Variants in GARNL3 observed in about 807,000 individuals in gnomAD.
The protein encoded by GARNL3 is GTPase activating Rap/RanGAP domain like 3.
In GARNL3, 63 loss-of-function variants were observed where a neutral mutation model predicts 125.0. The ratio of observed to expected loss-of-function variants is 0.50; its 90% CI spans 0.41 to 0.62. The LOEUF (loss-of-function observed/expected upper bound fraction) is 0.62. Ranked by LOEUF, GARNL3 falls within the 20% of genes least tolerant of loss-of-function variation. GARNL3 has a pLI of 0.00. For missense variants in GARNL3, 994 were observed against 1,244.0 expected (o/e 0.80, Z 3.02); for synonymous variants, 439 against 457.5 (o/e 0.96, Z 0.52).
chr9:127,353,748 A>C, intron 17 of GARNL3, 98 bp from the exon 18 acceptor site: 1 of 797,086 alleles, frequency 1.3e-6, no homozygotes, highest in Non-Finnish European at 2.3e-6. Context: ...CCTTGCCTAG[A>C]GATAACTTGG....
chr9:127,309,634 G>A (rs1327494126), intron 2 of GARNL3, among the ~76,000 whole-genome samples: 3 of 152,144 alleles, frequency 2.0e-5, no homozygotes, highest in East Asian at 3.8e-4. Context: ...TTCCAGAAAT[G>A]TAAGAACCTT....
At position 127,392,161 on chromosome 9, in the gene GARNL3, GC is replaced by G. The variant is rs754925184; in HGVS notation, c.2871-921del. Among the ~76,000 whole-genome samples the G allele has an allele frequency of 1.3e-5, 2 of 152,230 alleles. No individual in the cohort carries two copies. Among genetic ancestry groups the G allele is most frequent in the Non-Finnish European group, 2.9e-5 (2 of 68,036 alleles). On this transcript the variant is annotated intron_variant, in intron 27 of 27. Coordinates refer to ENST00000373387, the MANE Select transcript of GARNL3 (RefSeq NM_032293.5). The surrounding 1 kb of genome is among the most constrained non-coding windows in gnomAD (Gnocchi z 5.2). ...GGGAGGGTCTCAAACATCAGGGGAG[GC>G]TGAGCCTCCTCTCAGAAGTCATAAC...
intron 4 of GARNL3, 65 bp from the exon 5 acceptor site, chr9:127,317,998 G>T (rs142406987): frequency 1.1e-6 from 1 of 944,902 alleles, no homozygotes; most frequent in Non-Finnish European, 1.8e-6. Flanking sequence ...TGAATGACCC[G>T]AGAGGCTCTT....
intron 1 of GARNL3, among the ~76,000 whole-genome samples, chr9:127,287,999 A>G (rs1305918752): frequency 6.6e-6 from 1 of 152,194 alleles, no homozygotes; most frequent in Non-Finnish European, 1.5e-5. Flanking sequence ...TTTCTTGTTT[A>G]TGAATATTTA....
intron 6 of GARNL3, among the ~76,000 whole-genome samples, chr9:127,322,752 G>C (rs1464270961): frequency 2.0e-5 from 3 of 152,160 alleles, no homozygotes; most frequent in Non-Finnish European, 2.9e-5. Context: ...TAAACCAACT[G>C]TGTTATAAAG....
At position 127,364,666 on chromosome 9, in the gene GARNL3, T is replaced by G. The variant is rs1323068567; in HGVS notation, c.2095-634T>G. On this transcript the variant is annotated intron_variant, in intron 21 of 27. Coordinates refer to ENST00000373387, the MANE Select transcript of GARNL3 (RefSeq NM_032293.5). This position sits in a 1 kb window ranked among gnomAD's most constrained non-coding sequence, Gnocchi z 4.2. ...TGACACCCTTTTCATTGCACCATGC[T>G]GCCTCTCTTGACATGAAGAACAGAG... The G allele has an allele frequency of 1.3e-5, 2 of 152,334 alleles. No individual in the cohort carries two copies. The highest frequency in any genetic ancestry group is 2.9e-5 in the Non-Finnish European group (2 of 68,142). 9.4% of individuals were successfully genotyped at this position (152,334 alleles called of 1,614,324 possible). A position where few individuals can be genotyped will look rare whatever the true frequency, so the allele number is the denominator to read the frequency against.
chr9:127,316,639 A>G (rs1048082369), intron 4 of GARNL3, among the ~76,000 whole-genome samples: 2 of 152,244 alleles, frequency 1.3e-5, no homozygotes, highest in African/African-American at 4.8e-5. Flanking sequence ...AGCACAAACT[A>G]CAAAAAGAAA....
Position 127,311,734 on chromosome 9 carries a change from AGGTAATTATGCTATTGT to A in GARNL3, c.319+3_319+19del. 1 of 1,590,278 alleles carries A rather than the reference AGGTAATTATGCTATTGT, an allele frequency of 6.3e-7. No individual in the cohort carries two copies. Among genetic ancestry groups the A allele is most frequent in the Non-Finnish European group, 8.6e-7 (1 of 1,158,258 alleles). On this transcript the variant is annotated splice_donor_variant and splice_donor_5th_base_variant and coding_sequence_variant and intron_variant, in exon 3 of 28. Transcript: ENST00000373387. LOFTEE classifies it high-confidence loss of function. The stretch of plus-strand genomic sequence containing the variant: ...GGTATTTCAAATATTTTTTAGGACA[AGGTAATTATGCTATTGT>A]GGTGGTAGGGAAGAAAGGGTATTCA...
intron 2 of GARNL3, among the ~76,000 whole-genome samples, chr9:127,246,634 C>T (rs541849013): frequency 1.3e-5 from 2 of 152,166 alleles, no homozygotes; most frequent in South Asian, 2.1e-4. Context: ...GGTGAAACCC[C>T]GTCTCTACTA....
chr9:127,355,949 C>G (rs1356039967), intron 20 of GARNL3, among the ~76,000 whole-genome samples: 1 of 152,080 alleles, frequency 6.6e-6, no homozygotes, highest in Non-Finnish European at 1.5e-5. Context: ...ATGAGGGTAT[C>G]TAGGGAAAGG....
At chr9:127,304,685 G>A (rs938951232) in intron 2 of GARNL3, among the ~76,000 whole-genome samples, 89 of 151,826 alleles carry the variant, frequency 5.9e-4, no homozygotes, top group African/African-American at 2.1e-3. Flanking sequence ...ACAGGCATGC[G>A]CCACCACACC....
intron 17 of GARNL3, 128 bp downstream of exon 17, chr9:127,349,163 A>T: frequency 1.4e-6 from 1 of 691,502 alleles, no homozygotes; most frequent in South Asian, 1.6e-5. Flanking sequence ...GCGAAGTTTT[A>T]TTTCCTTATG....
At chr9:127,226,814 G>A (rs755490760) in intron 1 of GARNL3, among the ~76,000 whole-genome samples, 70 of 152,336 alleles carry the variant, frequency 4.6e-4, no homozygotes, top group Non-Finnish European at 7.9e-4. Context: ...TGCTCATGGT[G>A]CTTACATGCT....
At chr9:127,229,014 G>A (rs959942294) in intron 1 of GARNL3, among the ~76,000 whole-genome samples, 2 of 152,092 alleles carry the variant, frequency 1.3e-5, no homozygotes, top group African/African-American at 4.8e-5. Context: ...GTAGAGACCG[G>A]GGTTTCACCA....
At chr9:127,344,824 T>C (rs1160254705) in intron 15 of GARNL3, among the ~76,000 whole-genome samples, 4 of 152,148 alleles carry the variant, frequency 2.6e-5, no homozygotes, top group Admixed American at 2.6e-4. Context: ...ATTCCAGGCA[T>C]TGGAGAAAAT....
At chr9:127,372,123 ACATTCATT>A (rs372030098) in intron 22 of GARNL3, among the ~76,000 whole-genome samples, 7 of 152,150 alleles carry the variant, frequency 4.6e-5, no homozygotes, top group African/African-American at 1.2e-4. Flanking sequence ...TCCATACCTC[ACATTCATT>A]CATTCATTCA....
intron 2 of GARNL3, among the ~76,000 whole-genome samples, chr9:127,299,508 T>TC (rs1464664304): frequency 4.6e-5 from 7 of 152,112 alleles, no homozygotes; most frequent in African/African-American, 1.7e-4. Flanking sequence ...CAAGCGATTC[T>TC]CCCACCTCAG....
rs116788585 is a variant in GARNL3, at chr9:127,384,690, G to A, written c.2270-337G>A. Among the ~76,000 whole-genome samples, 3,269 of 152,270 alleles carry A rather than the reference G, an allele frequency of 0.021. 120 individuals carry two copies. The highest frequency in any genetic ancestry group is 0.074 in the African/African-American group (3,090 of 41,524). ...CCTGCAGACAGAATGTCAGGCTGGCGTCTGAACAACAGAAGGGACTCCCCA... is the reference window on the plus strand; with the variant it reads ...CCTGCAGACAGAATGTCAGGCTGGCATCTGAACAACAGAAGGGACTCCCCA... On this transcript the variant is annotated intron_variant, in intron 23 of 27. Coordinates refer to ENST00000373387, the MANE Select transcript of GARNL3 (RefSeq NM_032293.5). The surrounding 1 kb of genome is among the most constrained non-coding windows in gnomAD (Gnocchi z 4.0).
intron 5 of GARNL3, among the ~76,000 whole-genome samples, chr9:127,319,991 A>T (rs1434076642): frequency 8.5e-5 from 13 of 152,196 alleles, no homozygotes; most frequent in African/African-American, 3.1e-4. Context: ...TACAAGAATG[A>T]ACTTGAAAAC....
Sources: gnomAD v4.1 joint callset for allele counts (sites outside exome capture counted in the v4.1 genomes callset) on GRCh38, gnomAD v4.1.1 for gene constraint, Gnocchi (gnomAD v3.1) non-coding constraint, MANE v1.5 for transcripts, NCBI Gene and HGNC (gene_info 2026-07-23, HGNC 2026-07-21) for gene names.